PIP4K2A: variants seen among roughly 807,000 people sequenced by gnomAD.
PIP4K2A encodes phosphatidylinositol-5-phosphate 4-kinase type 2 alpha.
PIP4K2A carries 14 observed loss-of-function variants against 42.9 expected under a neutral mutation model. The ratio of observed to expected loss-of-function variants is 0.33; its 90% CI spans 0.22 to 0.51. The LOEUF is 0.51. PIP4K2A is among the 20% of genes least tolerant of loss of function. PIP4K2A has a pLI of 0.97. For missense variants in PIP4K2A, 434 were observed against 519.8 expected (o/e 0.83, Z 1.61); for synonymous variants, 192 against 192.2 (o/e 1.00, Z 0.01).
intron 1 of PIP4K2A, among the ~76,000 whole-genome samples, chr10:22,696,166 T>C (rs533964334): frequency 6.6e-6 from 1 of 152,324 alleles, no homozygotes; most frequent in South Asian, 2.1e-4. Context: ...TCAGCCAACA[T>C]GTGTAACAAC....
Position 22,541,868 on chromosome 10 carries a change from T to A in PIP4K2A, c.972A>T (p.Ser324=). ...PDSPGNTLNS[S]PPLAPGEFDP... is the part of the protein sequence containing the mutation. ...CGAACTCCCCGGGAGCCAGGGGTGG[T>A]GAGCTGTTCAGTGTATTCCCGGGGC... The change falls in exon 8 of 10, where the codon TCA becomes TCT. Residue 324 remains serine, a synonymous_variant. Transcript: ENST00000376573. 1.9e-6 allele frequency: 3 copies of A among 1,605,168 alleles called. No individual in the cohort carries two copies. Among genetic ancestry groups the A allele is most frequent in the Non-Finnish European group, 2.6e-6 (3 of 1,175,112 alleles).
At chr10:22,538,196 CAG>C (rs1162725979) in intron 9 of PIP4K2A, among the ~76,000 whole-genome samples, 1 of 152,222 alleles carries the variant, frequency 6.6e-6, no homozygotes, top group Non-Finnish European at 1.5e-5. Context: ...GGCTTGAATG[CAG>C]AGAGAATGGT....
chr10:22,549,946 A>T (rs879887031), intron 7 of PIP4K2A, among the ~76,000 whole-genome samples: 1 of 152,102 alleles, frequency 6.6e-6, no homozygotes, highest in Non-Finnish European at 1.5e-5. Flanking sequence ...GAGCAAATCC[A>T]ATGGAAAAGC....
chr10:22,661,502 C>T (rs575384858), intron 1 of PIP4K2A, among the ~76,000 whole-genome samples: 5 of 151,972 alleles, frequency 3.3e-5, no homozygotes, highest in Admixed American at 2.0e-4. Context: ...ACCACAGGCA[C>T]GCACCACTGT....
intron 1 of PIP4K2A, among the ~76,000 whole-genome samples, chr10:22,650,813 T>A (rs777425654): frequency 1.1e-4 from 16 of 149,248 alleles, no homozygotes; most frequent in Non-Finnish European, 2.2e-4. Flanking sequence ...ATGGAGAGTT[T>A]CTTCTTTTTG....
At chr10:22,573,497 C>T in intron 4 of PIP4K2A, 40 bp from the exon 5 acceptor site, 1 of 1,563,616 alleles carries the variant, frequency 6.4e-7, no homozygotes, top group Non-Finnish European at 8.7e-7. Flanking sequence ...AACATCCAAT[C>T]AAAAGATTGC....
At chr10:22,669,330 G>A (rs992690247) in intron 1 of PIP4K2A, among the ~76,000 whole-genome samples, 1 of 152,094 alleles carries the variant, frequency 6.6e-6, no homozygotes. Context: ...GATTATAGGT[G>A]TGGGGCAGGC....
rs1188396077 is a variant in PIP4K2A, at chr10:22,601,130, C to CAAAAAAAA, written c.339+6789_339+6796dup. 8.8e-4 allele frequency among the ~76,000 whole-genome samples: 28 copies of CAAAAAAAA among 31,922 alleles called. 5 individuals are homozygous for CAAAAAAAA. Among genetic ancestry groups the CAAAAAAAA allele is most frequent in the South Asian group, 2.4e-3 (1 of 412 alleles). The allele number at this position is 31,922 out of a possible 152,430, so 20.9% of individuals were successfully genotyped here. A position where few individuals can be genotyped will look rare whatever the true frequency, so the allele number is the denominator to read the frequency against. ...CCTGGGCAACAGAGCGAGACTGTCT[C>CAAAAAAAA]AAAAAAAAAAAAAAAAAAAAAAAAA... On this transcript the variant is annotated intron_variant, in intron 3 of 9. Transcript: ENST00000376573.
intron 4 of PIP4K2A, among the ~76,000 whole-genome samples, chr10:22,575,955 G>C (rs1219285055): frequency 6.7e-6 from 1 of 150,204 alleles, no homozygotes; most frequent in Non-Finnish European, 1.5e-5. Flanking sequence ...AAACAAAAAA[G>C]AAAAAAAAAG....
intron 1 of PIP4K2A, among the ~76,000 whole-genome samples, chr10:22,647,468 A>G (rs1838908388): frequency 6.6e-6 from 1 of 152,062 alleles, no homozygotes; most frequent in African/African-American, 2.4e-5. Flanking sequence ...CGAGGTGGAG[A>G]AAAACAGGCT....
At chr10:22,539,899 GA>G (rs1470278668) in intron 9 of PIP4K2A, 71 bp downstream of exon 9, 8 of 686,228 alleles carry the variant, frequency 1.2e-5, no homozygotes, top group African/African-American at 9.4e-5. Flanking sequence ...GAGAGAGAGA[GA>G]GAGAGAGAGA....
At chr10:22,623,443 G>A (rs1442304215) in intron 1 of PIP4K2A, among the ~76,000 whole-genome samples, 1 of 152,208 alleles carries the variant, frequency 6.6e-6, no homozygotes, top group Non-Finnish European at 1.5e-5. Context: ...AGGGCGGTGT[G>A]CTCCTCGGGG....
chr10:22,572,695 T>C (rs146336539), intron 5 of PIP4K2A, among the ~76,000 whole-genome samples: 4 of 152,304 alleles, frequency 2.6e-5, no homozygotes, highest in Middle Eastern at 3.4e-3. Flanking sequence ...AACTTGAACA[T>C]TCTCCCCTGA....
At chr10:22,675,480 G>T (rs1391011558) in intron 1 of PIP4K2A, among the ~76,000 whole-genome samples, 1 of 152,134 alleles carries the variant, frequency 6.6e-6, no homozygotes, top group East Asian at 1.9e-4. Flanking sequence ...CAGCTACTCA[G>T]GAGGCTGAGG....
At chr10:22,685,282 G>C (rs952247741) in intron 1 of PIP4K2A, among the ~76,000 whole-genome samples, 4 of 152,090 alleles carry the variant, frequency 2.6e-5, no homozygotes, top group Non-Finnish European at 4.4e-5. Flanking sequence ...TGGACATTTA[G>C]CATCAAGTCA....
intron 7 of PIP4K2A, among the ~76,000 whole-genome samples, chr10:22,542,386 T>A (rs1271179121): frequency 6.6e-6 from 1 of 151,770 alleles, no homozygotes; most frequent in Non-Finnish European, 1.5e-5. Flanking sequence ...GAGAGCAAGT[T>A]CCTCCCAATG....
At chr10:22,560,316 T>C (rs1836656352) in intron 6 of PIP4K2A, among the ~76,000 whole-genome samples, 1 of 152,198 alleles carries the variant, frequency 6.6e-6, no homozygotes. Context: ...CTGCTGTGCT[T>C]TTGTGTCACG....
chr10:22,612,204 G>A (rs904018662), intron 1 of PIP4K2A, among the ~76,000 whole-genome samples: 4 of 152,192 alleles, frequency 2.6e-5, no homozygotes, highest in Non-Finnish European at 5.9e-5. Context: ...GGCACAGCTC[G>A]GACACCAGTC....
chr10:22,573,776 G>T (rs914692480), intron 4 of PIP4K2A, among the ~76,000 whole-genome samples: 8 of 152,176 alleles, frequency 5.3e-5, no homozygotes, highest in Admixed American at 2.6e-4. Context: ...TCCTTTTAAG[G>T]GATATTACAC....
Sources: gnomAD v4.1 joint callset for allele counts (sites outside exome capture counted in the v4.1 genomes callset) on GRCh38, gnomAD v4.1.1 for gene constraint, MANE v1.5 for transcripts, NCBI Gene and HGNC (gene_info 2026-07-23, HGNC 2026-07-21) for gene names.